The following FHIT variants were observed in gnomAD, a reference collection of about 807,000 sequenced individuals.
FHIT encodes the protein fragile histidine triad diadenosine triphosphatase.
In FHIT, 19 loss-of-function variants were observed where a neutral mutation model predicts 17.9. The observed-to-expected ratio is 1.06, with a 90% CI of 0.74 to 1.56. The LOEUF is 1.56. FHIT is among the 40% of genes most tolerant of loss of function. FHIT has a pLI of 0.00. For missense variants in FHIT, 248 were observed against 189.2 expected (o/e 1.31, Z -1.82); for synonymous variants, 81 against 69.7 (o/e 1.16, Z -0.81).
chr3:61,135,522 G>A (rs569037747), intron 2 of FHIT, among the ~76,000 whole-genome samples: 2 of 152,128 alleles, frequency 1.3e-5, no homozygotes, highest in South Asian at 4.2e-4. Flanking sequence ...GATCTATGAG[G>A]TAACAACCTA....
intron 4 of FHIT, among the ~76,000 whole-genome samples, chr3:60,643,330 G>A (rs1374235983): frequency 1.3e-5 from 2 of 151,530 alleles, no homozygotes; most frequent in Non-Finnish European, 2.9e-5. Context: ...ATATTTCCAA[G>A]AGCAACCTAC....
intron 5 of FHIT, among the ~76,000 whole-genome samples, chr3:60,059,970 C>A (rs542763281): frequency 3.2e-4 from 49 of 152,280 alleles, no homozygotes; most frequent in African/African-American, 1.1e-3. Flanking sequence ...ATTAACCGTG[C>A]TCCATGAGTT....
At chr3:59,939,327 T>C (rs952633659) in intron 7 of FHIT, among the ~76,000 whole-genome samples, 6 of 152,034 alleles carry the variant, frequency 3.9e-5, no homozygotes, top group Admixed American at 3.3e-4. Context: ...GAAGACACAC[T>C]GCATCATACC....
intron 5 of FHIT, among the ~76,000 whole-genome samples, chr3:60,126,048 G>A (rs1285348182): frequency 2.0e-5 from 3 of 152,116 alleles, no homozygotes; most frequent in African/African-American, 7.2e-5. Context: ...TCTCCTGCAA[G>A]TTGGCCAGTG....
chr3:60,884,560 A>G (rs1353968554), intron 3 of FHIT, among the ~76,000 whole-genome samples: 1 of 152,182 alleles, frequency 6.6e-6, no homozygotes, highest in African/African-American at 2.4e-5. Context: ...AGCCTAAAAT[A>G]TATTTTAAAA....
intron 5 of FHIT, among the ~76,000 whole-genome samples, chr3:60,523,674 T>C (rs564705853): frequency 5.9e-5 from 9 of 152,204 alleles, no homozygotes; most frequent in Non-Finnish European, 1.3e-4. Flanking sequence ...TCAAATCTCA[T>C]GAGCCGACGA....
intron 8 of FHIT, among the ~76,000 whole-genome samples, chr3:59,830,815 T>C (rs924023947): frequency 2.0e-5 from 3 of 152,156 alleles, no homozygotes; most frequent in Non-Finnish European, 4.4e-5. Flanking sequence ...GAGGCTGCAA[T>C]TGTGCACAGC....
intron 5 of FHIT, among the ~76,000 whole-genome samples, chr3:60,461,081 C>CTCTTAATAG (rs1200403251): frequency 1.3e-5 from 2 of 151,996 alleles, no homozygotes; most frequent in African/African-American, 4.8e-5. Flanking sequence ...CAAAAAAATA[C>CTCTTAATAG]TCTTCCCATT....
At chr3:60,790,255 G>C (rs1299640349) in intron 4 of FHIT, among the ~76,000 whole-genome samples, 1 of 152,150 alleles carries the variant, frequency 6.6e-6, no homozygotes, top group Non-Finnish European at 1.5e-5. Context: ...CAAAAGTAAG[G>C]AAAGCGGAAT....
intron 5 of FHIT, among the ~76,000 whole-genome samples, chr3:60,518,779 C>A (rs2035251853): frequency 6.6e-6 from 1 of 152,182 alleles, no homozygotes; most frequent in Non-Finnish European, 1.5e-5. Flanking sequence ...GAGGCAGAGG[C>A]AGGCAGATTG....
rs71089574 is a variant in FHIT, at chr3:60,066,630, A to ATTTTTTTTT, written c.104-52487_104-52479dup. On this transcript the variant is annotated intron_variant, in intron 5 of 9. Coordinates refer to ENST00000492590, the MANE Select transcript of FHIT (RefSeq NM_002012.4). ...ATAGGTTGATTTTAATCCCTGACAA[A>ATTTTTTTTT]TTTTTTTTTTTTTTTTTTTTTTTTT... 1.4e-3 allele frequency among the ~76,000 whole-genome samples: 70 copies of ATTTTTTTTT among 51,420 alleles called. 6 individuals are homozygous for ATTTTTTTTT. The highest frequency in any genetic ancestry group is 1.9e-3 in the Non-Finnish European group (54 of 27,694). The allele number at this position is 51,420 out of a possible 152,430, so 33.7% of individuals were successfully genotyped here.
At chr3:61,176,533 C>T (rs2107151383) in intron 2 of FHIT, among the ~76,000 whole-genome samples, 1 of 152,242 alleles carries the variant, frequency 6.6e-6, no homozygotes. Context: ...TTTTTGATAA[C>T]CATTTTTAAA....
chr3:60,857,765 CA>C (rs1215564359), intron 3 of FHIT, among the ~76,000 whole-genome samples: 1 of 151,692 alleles, frequency 6.6e-6, no homozygotes, highest in African/African-American at 2.4e-5. Context: ...TCCATCTCTA[CA>C]AAAAATGAAA....
At chr3:60,505,534 C>G (rs1038092306) in intron 5 of FHIT, among the ~76,000 whole-genome samples, 3 of 152,156 alleles carry the variant, frequency 2.0e-5, no homozygotes, top group Non-Finnish European at 4.4e-5. Flanking sequence ...CCGTTTGTAA[C>G]TAATACAGAC....
intron 5 of FHIT, among the ~76,000 whole-genome samples, chr3:60,298,849 C>T (rs1201867837): frequency 2.6e-5 from 4 of 152,104 alleles, no homozygotes; most frequent in African/African-American, 9.7e-5. Context: ...CAGCCTGAGT[C>T]AAGTGGCATG....
At chr3:61,242,993 T>A (rs2106929454) in intron 1 of FHIT, among the ~76,000 whole-genome samples, 1 of 152,294 alleles carries the variant, frequency 6.6e-6, no homozygotes. Flanking sequence ...TTTCTAAACT[T>A]GTGGCTAATT....
At chr3:60,936,388 C>A (rs1222172826) in intron 3 of FHIT, among the ~76,000 whole-genome samples, 2 of 152,172 alleles carry the variant, frequency 1.3e-5, no homozygotes, top group East Asian at 3.9e-4. Flanking sequence ...TTTTGGCTAA[C>A]ATTTGCAGGC....
intron 2 of FHIT, among the ~76,000 whole-genome samples, chr3:61,120,020 G>A (rs1032110658): frequency 6.6e-6 from 1 of 152,062 alleles, no homozygotes. Context: ...TTTTTCTCTG[G>A]ATAACCTTGA....
intron 2 of FHIT, among the ~76,000 whole-genome samples, chr3:61,071,031 A>T (rs2034788070): frequency 6.6e-6 from 1 of 152,206 alleles, no homozygotes; most frequent in Admixed American, 6.5e-5. Context: ...TACAAAGTCA[A>T]ATATGATTTC....
Sources: gnomAD v4.1 joint callset for allele counts (sites outside exome capture counted in the v4.1 genomes callset) on GRCh38, gnomAD v4.1.1 for gene constraint, MANE v1.5 for transcripts, NCBI Gene and HGNC (gene_info 2026-07-23, HGNC 2026-07-21) for gene names.